The following BTBD8 variants were observed in gnomAD, a reference collection of about 807,000 sequenced individuals.
BTBD8 encodes BTB domain containing 8.
In BTBD8, 110 loss-of-function variants were observed where a neutral mutation model predicts 162.9. The observed-to-expected ratio is 0.68, with a 90% CI of 0.58 to 0.79. The LOEUF is 0.79. Among genes scored for constraint, BTBD8 ranks in the 30% least tolerant of loss-of-function variants. BTBD8 has a pLI of 0.00. For missense variants in BTBD8, 1,905 were observed against 2,085.4 expected, an observed-to-expected ratio of 0.91 and a Z score of 1.68; for synonymous variants, 667 against 716.1, an observed-to-expected ratio of 0.93 and a Z score of 1.10.
chr1:92,155,575 G>A (rs1650141790), intron 9 of BTBD8, among the ~76,000 whole-genome samples: 2 of 152,278 alleles, frequency 1.3e-5, no homozygotes, highest in South Asian at 4.1e-4. Context: ...AAGTAGCTGG[G>A]ATTACAGGCA....
intron 9 of BTBD8, among the ~76,000 whole-genome samples, chr1:92,160,238 C>A (rs1228896132): frequency 6.6e-6 from 1 of 151,902 alleles, no homozygotes. Context: ...TATTGTCTAC[C>A]TCTTTGATGA....
chr1:92,171,020 G>C (rs1212260309), intron 12 of BTBD8, among the ~76,000 whole-genome samples: 2 of 151,608 alleles, frequency 1.3e-5, no homozygotes, highest in Admixed American at 6.6e-5. Context: ...ATAGCTTGTA[G>C]AATGTTACAT....
chr1:92,092,964 G>T (rs1461485008), intron 2 of BTBD8, among the ~76,000 whole-genome samples: 4 of 152,196 alleles, frequency 2.6e-5, no homozygotes, highest in African/African-American at 9.6e-5. Flanking sequence ...TTCATTTTAT[G>T]CTTTAGCAGT....
chr1:92,138,716 A>G (rs551727459), intron 5 of BTBD8, among the ~76,000 whole-genome samples: 2 of 152,342 alleles, frequency 1.3e-5, no homozygotes, highest in African/African-American at 2.4e-5. Context: ...GCAAGACGCT[A>G]TGTAGCAGTG....
Position 92,080,484 on chromosome 1 carries a change from G to T in BTBD8, c.-88G>T, listed in dbSNP as rs1050768466. 16 of 1,557,836 alleles carry T rather than the reference G, an allele frequency of 1.0e-5. No homozygotes were observed. Among genetic ancestry groups the T allele is most frequent in the African/African-American group, 1.4e-5 (1 of 71,898 alleles). ...GGGCGGATTTGGGTAGGAGCCGAGC[G>T]TTCGGTCGGAAACGCCCCCTTCTTC... is the stretch of plus-strand genomic sequence containing the variant. On this transcript the variant is annotated 5_prime_UTR_variant, in exon 1 of 18. Transcript: ENST00000636805.
chr1:92,144,165 G>T (rs1033146634), intron 7 of BTBD8, among the ~76,000 whole-genome samples: 6 of 150,602 alleles, frequency 4.0e-5, no homozygotes, highest in Admixed American at 4.0e-4. Context: ...GTAGAGACGG[G>T]GTTTTATCAT....
At chr1:92,175,673 A>G (rs1471153855) in intron 13 of BTBD8, among the ~76,000 whole-genome samples, 2 of 148,260 alleles carry the variant, frequency 1.3e-5, no homozygotes. Context: ...GCATGTGCCT[A>G]TAGTCCCAGC....
chr1:92,128,224 C>G (rs937205549), intron 4 of BTBD8, among the ~76,000 whole-genome samples: 11 of 151,762 alleles, frequency 7.2e-5, no homozygotes, highest in Middle Eastern at 6.3e-3. Flanking sequence ...TCAAGCCATT[C>G]TCCTGCCTCA....
At chr1:92,097,625 G>A (rs6677184) in intron 2 of BTBD8, among the ~76,000 whole-genome samples, 92,894 of 151,832 alleles carry the variant, frequency 0.61, 29,010 homozygotes, top group East Asian at 0.97. Context: ...CATATAAATG[G>A]AATCATTCAA....
At chr1:92,118,042 G>A (rs1649092761) in intron 4 of BTBD8, among the ~76,000 whole-genome samples, 1 of 151,918 alleles carries the variant, frequency 6.6e-6, no homozygotes, top group African/African-American at 2.4e-5. Flanking sequence ...AATTAAAAGA[G>A]TACAGTATTC....
At position 92,151,352 on chromosome 1, in the gene BTBD8, C is replaced by CAA. The variant is rs11406119; in HGVS notation, c.1122+3582_1122+3583dup. ...CTAGGCAACAAGAACGAAACTGTCT[C>CAA]AAAAAAAAAAAAAAAAAGTAAATGT... On this transcript the variant is annotated intron_variant, in intron 9 of 17. Coordinates refer to ENST00000636805, the MANE Select transcript of BTBD8 (RefSeq NM_001376131.1). Among the ~76,000 whole-genome samples, 236 of 127,836 alleles carry CAA rather than the reference C, an allele frequency of 1.8e-3. 1 individual carries two copies. The highest frequency in any genetic ancestry group is 8.1e-3 in the Middle Eastern group (2 of 248). The allele number at this position is 127,836 out of a possible 152,430, so 83.9% of individuals were successfully genotyped here. A position where few individuals can be genotyped will look rare whatever the true frequency, so the allele number is the denominator to read the frequency against.
chr1:92,155,130 G>A (rs1650131399), intron 9 of BTBD8, among the ~76,000 whole-genome samples: 1 of 152,002 alleles, frequency 6.6e-6, no homozygotes, highest in African/African-American at 2.4e-5. Context: ...CTGTCTTTAG[G>A]CCAGTACCAC....
At chr1:92,115,404 C>T (rs1423019187) in intron 4 of BTBD8, 2 of 490,574 alleles carry the variant, frequency 4.1e-6, no homozygotes, top group Non-Finnish European at 8.0e-6. Context: ...ATGGCTCATG[C>T]CCATCACGAA....
At chr1:92,132,474 C>T (rs946496743) in intron 5 of BTBD8, among the ~76,000 whole-genome samples, 1 of 152,158 alleles carries the variant, frequency 6.6e-6, no homozygotes, top group African/African-American at 2.4e-5. Context: ...CTCGTCTCTA[C>T]TCTTTCACCT....
chr1:92,114,413 G>A (rs1648982137), intron 4 of BTBD8, among the ~76,000 whole-genome samples: 1 of 151,920 alleles, frequency 6.6e-6, no homozygotes, highest in Admixed American at 6.5e-5. Flanking sequence ...CAAACATATT[G>A]TTTTTATAAT....
chr1:92,175,122 C>T (rs1196309237), intron 13 of BTBD8, among the ~76,000 whole-genome samples: 1 of 151,960 alleles, frequency 6.6e-6, no homozygotes, highest in African/African-American at 2.4e-5. Flanking sequence ...CAGGCTCTGC[C>T]TCAGACCTCT....
intron 4 of BTBD8, among the ~76,000 whole-genome samples, chr1:92,120,290 C>A (rs2101919542): frequency 6.6e-6 from 1 of 152,288 alleles, no homozygotes; most frequent in South Asian, 2.1e-4. Flanking sequence ...CTACACAGAG[C>A]CAGGATTATC....
At chr1:92,118,063 CCA>C (rs2101916719) in intron 4 of BTBD8, among the ~76,000 whole-genome samples, 1 of 152,016 alleles carries the variant, frequency 6.6e-6, no homozygotes, top group East Asian at 1.9e-4. Context: ...TCGTATACCC[CCA>C]CACCTAGTTC....
chr1:92,109,165 G>C (rs4658291), intron 4 of BTBD8, among the ~76,000 whole-genome samples: 93,862 of 151,592 alleles, frequency 0.62, 29,524 homozygotes, highest in East Asian at 0.97. Flanking sequence ...AGAATATAAT[G>C]TAGATTGAAC....
Sources: gnomAD v4.1 joint callset for allele counts (sites outside exome capture counted in the v4.1 genomes callset) on GRCh38, gnomAD v4.1.1 for gene constraint, MANE v1.5 for transcripts, NCBI Gene and HGNC (gene_info 2026-07-23, HGNC 2026-07-21) for gene names.